The following LCP1 variants were observed in gnomAD, a reference collection of about 807,000 sequenced individuals.
LCP1 encodes the protein lymphocyte cytosolic protein 1, also known as plastin-2.
Under a neutral mutation model 72.0 loss-of-function variants are expected in LCP1, and 23 were observed. That is an observed-to-expected ratio of 0.32 (90% CI 0.23 to 0.45). The LOEUF (loss-of-function observed/expected upper bound fraction) is 0.45. Among genes scored for constraint, LCP1 ranks in the 20% least tolerant of loss-of-function variants. The pLI is 1.00. For missense variants in LCP1, 571 were observed against 748.3 expected (o/e 0.76, Z 2.76); for synonymous variants, 245 against 275.4 (o/e 0.89, Z 1.09).
At chr13:46,147,412 CTTAA>C (rs1008636647) in intron 9 of LCP1, among the ~76,000 whole-genome samples, 23 of 152,276 alleles carry the variant, frequency 1.5e-4, no homozygotes, top group African/African-American at 5.1e-4. Flanking sequence ...TTGAGTTTAT[CTTAA>C]TTATTTCCAA....
At chr13:46,176,792 A>G (rs2045932709) in intron 1 of LCP1, among the ~76,000 whole-genome samples, 1 of 151,960 alleles carries the variant, frequency 6.6e-6, no homozygotes, top group Non-Finnish European at 1.5e-5. Context: ...GGAAAACATA[A>G]TCTCTTTTTC....
intron 13 of LCP1, among the ~76,000 whole-genome samples, chr13:46,139,161 G>A (rs2045682985): frequency 6.6e-6 from 1 of 152,168 alleles, no homozygotes; most frequent in South Asian, 2.1e-4. Flanking sequence ...GAACAGCCCT[G>A]AGGAGTTTTC....
chr13:46,138,329 C>T (rs190180012), intron 13 of LCP1, among the ~76,000 whole-genome samples: 304 of 152,268 alleles, frequency 2.0e-3, no homozygotes, highest in Admixed American at 4.4e-3. Context: ...TTTAATAGAT[C>T]TTTTAATATA....
At chr13:46,166,603 G>A (rs1300869534) in intron 1 of LCP1, among the ~76,000 whole-genome samples, 2 of 152,104 alleles carry the variant, frequency 1.3e-5, no homozygotes, top group South Asian at 2.1e-4. Flanking sequence ...AGAACAATCA[G>A]TAATCCAAAA....
intron 1 of LCP1, among the ~76,000 whole-genome samples, chr13:46,179,291 T>A (rs1420303763): frequency 6.6e-6 from 1 of 152,230 alleles, no homozygotes; most frequent in Non-Finnish European, 1.5e-5. Context: ...TGCATCTTCA[T>A]TCATAGCAAT....
intron 6 of LCP1, among the ~76,000 whole-genome samples, chr13:46,153,495 G>A (rs1272524525): frequency 1.3e-5 from 2 of 152,116 alleles, no homozygotes; most frequent in Admixed American, 1.3e-4. Context: ...AAGGTCAGGA[G>A]TTTGAGACCA....
intron 1 of LCP1, 45 bp from the exon 2 acceptor site, chr13:46,159,731 T>C: frequency 1.8e-6 from 2 of 1,129,020 alleles, no homozygotes; most frequent in East Asian, 2.4e-5. Context: ...TGCATTTGAA[T>C]TCTTAAAATA....
Position 46,147,088 on chromosome 13 carries a change from G to T in LCP1, c.994C>A (p.Gln332Lys). 1 of 1,593,266 alleles carries T rather than the reference G, an allele frequency of 6.3e-7. No individual in the cohort carries two copies. The highest frequency in any genetic ancestry group is 8.5e-7 in the Non-Finnish European group (1 of 1,171,074). Residue 332 changes from glutamine (Q) to lysine (K), a missense_variant, in exon 10 of 16, where the codon CAG (glutamine) becomes AAG (lysine). By Grantham distance (53) the Gln-to-Lys change is moderately conservative (BLOSUM62 1). Coordinates refer to ENST00000323076, the MANE Select transcript of LCP1 (RefSeq NM_002298.5). ...TGCTGCAGCATGCATTCTGCCCTCT[G>T]GATGTCATCCTTCTCCTGCAATGCA... ...MSGLREKDDIQRAECMLQQAE... is the reference protein window; with the variant it reads ...MSGLREKDDIKRAECMLQQAE...
chr13:46,180,839 A>G (rs2045952625), intron 1 of LCP1, among the ~76,000 whole-genome samples: 2 of 152,212 alleles, frequency 1.3e-5, no homozygotes, highest in South Asian at 4.1e-4. Context: ...AATAAGACAC[A>G]ACATATTTTT....
chr13:46,168,569 G>T (rs1242704372), intron 1 of LCP1: 1 of 152,426 alleles, frequency 6.6e-6, no homozygotes, highest in Non-Finnish European at 1.5e-5. Flanking sequence ...ACAGATCAGG[G>T]AAGTTCCCAG....
chr13:46,130,838 T>C lies in LCP1; in HGVS notation c.1727A>G (p.Asp576Gly). 3 of 1,613,486 alleles carry C rather than the reference T, an allele frequency of 1.9e-6. No homozygotes were observed. The highest frequency in any genetic ancestry group is 2.5e-6 in the Non-Finnish European group (3 of 1,179,784). Residue 576 changes from aspartate (D) to glycine (G), a missense_variant, in exon 15 of 16, where the codon GAT becomes GGT. Transcript: ENST00000323076. ...YDLLKTENLN[D>G]DEKLNNAKYA... Reference sequence around the variant, plus strand: ...CTTTGCATTGTTGAGTTTCTCATCATCATTCAGATTTTCTGTCTTCAGAAG... The same window carrying C: ...CTTTGCATTGTTGAGTTTCTCATCACCATTCAGATTTTCTGTCTTCAGAAG...
intron 13 of LCP1, among the ~76,000 whole-genome samples, chr13:46,137,911 A>G (rs186714884): frequency 6.6e-6 from 1 of 152,342 alleles, no homozygotes; most frequent in East Asian, 1.9e-4. Flanking sequence ...CCTGCCTTCC[A>G]ACACTTGTTT....
At chr13:46,157,513 C>T (rs1375164659) in intron 4 of LCP1, among the ~76,000 whole-genome samples, 1 of 152,066 alleles carries the variant, frequency 6.6e-6, no homozygotes, top group Non-Finnish European at 1.5e-5. Context: ...TATGTCTTCA[C>T]AGCCTAGCAC....
chr13:46,178,792 A>T (rs1301523206), intron 1 of LCP1, among the ~76,000 whole-genome samples: 1 of 152,216 alleles, frequency 6.6e-6, no homozygotes, highest in African/African-American at 2.4e-5. Context: ...TCTACTATAA[A>T]ATCTACTATT....
At chr13:46,176,904 A>T (rs112597259) in intron 1 of LCP1, among the ~76,000 whole-genome samples, 2,955 of 148,046 alleles carry the variant, frequency 0.02, 91 homozygotes, top group African/African-American at 0.071. Context: ...TGTGTGTGTG[A>T]GAGAGCGAGA....
rs947054916 is a variant in LCP1 at position 46,159,460 on chromosome 13, C to A, written c.64+139G>T. 1.1e-5 allele frequency: 7 copies of A among 659,466 alleles called. No individual in the cohort carries two copies. The South Asian group carries it at 1.3e-4, about 13-fold the overall frequency. 40.9% of individuals were successfully genotyped at this position (659,466 alleles called of 1,614,324 possible). A position where few individuals can be genotyped will look rare whatever the true frequency, so the allele number is the denominator to read the frequency against. ...GAAGCATATTTTTCAAAAATAAGTT[C>A]TCCCAGCTCCTCTAAACAAATACTA... On this transcript the variant is annotated intron_variant, in intron 2 of 15. Transcript: ENST00000323076.
chr13:46,142,448 GATTTAACGTCA>G, intron 12 of LCP1, 23 bp from the exon 13 acceptor site: 1 of 1,608,946 alleles, frequency 6.2e-7, no homozygotes, highest in Non-Finnish European at 8.5e-7. Context: ...AAAGGAAAAC[GATTTAACGTCA>G]TCATCTTGAT....
Position 46,143,314 on chromosome 13 carries a change from G to T in LCP1, c.1344C>A (p.Pro448=). 6.2e-7 allele frequency: 1 copy of T among 1,613,360 alleles called. No homozygotes were observed. The highest frequency in any genetic ancestry group is 1.1e-5 in the South Asian group (1 of 91,062). The change falls in exon 12 of 16, where the codon CCC becomes CCA. Residue 448 remains proline, a synonymous_variant. Transcript: ENST00000323076. The stretch of plus-strand genomic sequence containing the variant: ...CCTTCTTCATATTGCCTCCCAGTTT[G>T]GGGTATGGCGGTTTGTTTACTCTGT... ...DWNRVNKPPY[P]KLGGNMKKLE...
At chr13:46,158,123 T>C (rs115607261) in intron 4 of LCP1, among the ~76,000 whole-genome samples, 1,539 of 152,342 alleles carry the variant, frequency 0.01, 31 homozygotes, top group African/African-American at 0.035. Flanking sequence ...AAGTTTCCAT[T>C]ATGGCTGTTG....
Sources: allele counts gnomAD v4.1 joint callset (sites outside exome capture counted in the v4.1 genomes callset), GRCh38; gene constraint gnomAD v4.1.1; transcripts MANE v1.5; gene names NCBI Gene and HGNC (gene_info 2026-07-23, HGNC 2026-07-21).